The following LYPLAL1 variants were observed in gnomAD, a reference collection of about 807,000 sequenced individuals.
LYPLAL1 encodes lysophospholipase-like protein 1.
A neutral mutation model predicts 19.7 loss-of-function variants in LYPLAL1; 23 were observed. The observed-to-expected ratio is 1.17, with a 90% confidence interval of 0.84 to 1.65. The LOEUF (loss-of-function observed/expected upper bound fraction) is 1.65. Ranked by LOEUF, LYPLAL1 falls within the 40% of genes most tolerant of loss-of-function variation. The pLI, the probability that LYPLAL1 is intolerant of heterozygous loss-of-function variation, is 0.00. For synonymous variants in LYPLAL1, 119 were observed against 96.3 expected, an observed-to-expected ratio of 1.24 and a Z score of -1.38; for missense variants, 355 against 279.4, an observed-to-expected ratio of 1.27 and a Z score of -1.93.
chr1:219,346,571 G>T, the LYPLAL1 span, among the ~76,000 whole-genome samples: 1 of 151,474 alleles, frequency 6.6e-6, no homozygotes, highest in Non-Finnish European at 1.5e-5. Context: ...ACAAACATGT[G>T]TGCAGGAAAA....
the LYPLAL1 span, among the ~76,000 whole-genome samples, chr1:219,264,453 G>C: frequency 6.6e-6 from 1 of 152,130 alleles, no homozygotes. Flanking sequence ...CAAACATGAA[G>C]AATGTTTACC....
chr1:219,243,704 G>A, the LYPLAL1 span, among the ~76,000 whole-genome samples: 1 of 152,062 alleles, frequency 6.6e-6, no homozygotes, highest in Non-Finnish European at 1.5e-5. Context: ...TGGATCACCT[G>A]AGGTCAGGAG....
chr1:219,339,119 T>C, the LYPLAL1 span, among the ~76,000 whole-genome samples: 2 of 151,866 alleles, frequency 1.3e-5, no homozygotes, highest in Non-Finnish European at 2.9e-5. Flanking sequence ...CACATTGAGC[T>C]CTGTACACTG....
At chr1:219,203,668 T>A (rs1179876872) in intron 3 of LYPLAL1, among the ~76,000 whole-genome samples, 1 of 152,192 alleles carries the variant, frequency 6.6e-6, no homozygotes, top group Non-Finnish European at 1.5e-5. Context: ...AAGGGACACA[T>A]TAAATCCTTC....
At chr1:219,328,090 A>G in the LYPLAL1 span, among the ~76,000 whole-genome samples, 1 of 152,182 alleles carries the variant, frequency 6.6e-6, no homozygotes, top group Non-Finnish European at 1.5e-5. Context: ...GTTTTGCCCC[A>G]AATGTCCTTA....
chr1:219,203,106 C>G (rs536807909), intron 3 of LYPLAL1, among the ~76,000 whole-genome samples: 2 of 152,170 alleles, frequency 1.3e-5, no homozygotes, highest in African/African-American at 4.8e-5. Flanking sequence ...GTTTAATAAT[C>G]TGTTCAGATT....
chr1:219,287,303 G>T, the LYPLAL1 span, among the ~76,000 whole-genome samples: 1 of 152,166 alleles, frequency 6.6e-6, no homozygotes, highest in Non-Finnish European at 1.5e-5. Flanking sequence ...TACAGAAAAT[G>T]CTTTAAGAAT....
At chr1:219,382,527 C>T in the LYPLAL1 span, among the ~76,000 whole-genome samples, 1 of 152,044 alleles carries the variant, frequency 6.6e-6, no homozygotes, top group South Asian at 2.1e-4. Context: ...GCCCGGCTAA[C>T]CTTTTTTTGG....
At chr1:219,259,745 C>G in the LYPLAL1 span, among the ~76,000 whole-genome samples, 1 of 150,914 alleles carries the variant, frequency 6.6e-6, no homozygotes, top group East Asian at 1.9e-4. Context: ...ACTAAAGAAC[C>G]TTAAGCAAAT....
chr1:219,245,703 A>G, the LYPLAL1 span, among the ~76,000 whole-genome samples: 2 of 152,240 alleles, frequency 1.3e-5, no homozygotes, highest in African/African-American at 2.4e-5. Flanking sequence ...TCTATATTGT[A>G]TCATGTTATT....
the LYPLAL1 span, among the ~76,000 whole-genome samples, chr1:219,280,016 C>T: frequency 5.9e-5 from 9 of 152,094 alleles, no homozygotes; most frequent in East Asian, 1.2e-3. Flanking sequence ...ATATAACAAA[C>T]GTTTCAACTT....
chr1:219,305,609 G>A, the LYPLAL1 span, among the ~76,000 whole-genome samples: 2 of 152,158 alleles, frequency 1.3e-5, no homozygotes, highest in South Asian at 2.1e-4. Context: ...CAACTTGATT[G>A]AACAGGATAA....
chr1:219,208,921 TATCTA>T (rs1658783267), intron 3 of LYPLAL1, among the ~76,000 whole-genome samples: 1 of 152,148 alleles, frequency 6.6e-6, no homozygotes, highest in Non-Finnish European at 1.5e-5. Flanking sequence ...AAGCTGTTCA[TATCTA>T]AATGGGACAT....
intron 3 of LYPLAL1, among the ~76,000 whole-genome samples, chr1:219,204,788 A>G (rs949280913): frequency 1.3e-5 from 2 of 152,170 alleles, no homozygotes; most frequent in East Asian, 1.9e-4. Context: ...CCGGGTCCCC[A>G]TAATACCTTC....
chr1:219,193,558 A>G (rs1415305000), intron 3 of LYPLAL1: 3 of 180,730 alleles, frequency 1.7e-5, no homozygotes, highest in Non-Finnish European at 3.5e-5. Context: ...ATTTTACTTC[A>G]GTTACCTTAA....
the LYPLAL1 span, among the ~76,000 whole-genome samples, chr1:219,232,902 G>A: frequency 3.3e-5 from 5 of 151,012 alleles, no homozygotes; most frequent in Non-Finnish European, 7.4e-5. Context: ...TGTTTGTGAT[G>A]ATGTGGAGAA....
chr1:219,434,890 A>G, the LYPLAL1 span, among the ~76,000 whole-genome samples: 1 of 105,196 alleles, frequency 9.5e-6, no homozygotes, highest in Non-Finnish European at 2.2e-5. Context: ...GCTGTACTGG[A>G]AAAAAAAAAA....
rs1336954302 is a variant in LYPLAL1 at position 219,211,961 on chromosome 1, GTATT to G, written c.*236_*239del. The stretch of plus-strand genomic sequence containing the variant: ...CTGTAAATATTTGGAAACCTTTTAA[GTATT>G]TAAACTTTTAAATTTTTGAAATAAA... On this transcript the variant is annotated 3_prime_UTR_variant, in exon 5 of 5. Transcript: ENST00000366928. 8 of 322,406 alleles carry G rather than the reference GTATT, an allele frequency of 2.5e-5. No homozygotes were observed. Among genetic ancestry groups the G allele is most frequent in the Non-Finnish European group, 3.9e-5 (7 of 178,742 alleles). The allele number at this position is 322,406 out of a possible 1,614,324, so 20.0% of individuals were successfully genotyped here.
At chr1:219,226,154 A>G in the LYPLAL1 span, among the ~76,000 whole-genome samples, 6 of 152,240 alleles carry the variant, frequency 3.9e-5, no homozygotes, top group East Asian at 1.2e-3. Flanking sequence ...AGGGCTATCT[A>G]TCCCTTTATC....
Sources: allele counts gnomAD v4.1 joint callset (sites outside exome capture counted in the v4.1 genomes callset), GRCh38; gene constraint gnomAD v4.1.1; transcripts MANE v1.5; gene names NCBI Gene and HGNC (gene_info 2026-07-23, HGNC 2026-07-21).